Variants in PLD1 observed in about 807,000 individuals in gnomAD.
PLD1 encodes the protein choline phosphatase 1.
Under a neutral mutation model 137.1 loss-of-function variants are expected in PLD1, and 112 were observed. That is an observed-to-expected ratio of 0.82 (90% CI 0.70 to 0.96). The LOEUF (loss-of-function observed/expected upper bound fraction) is 0.96. Ranked by LOEUF, PLD1 falls within the 40% of genes least tolerant of loss-of-function variation. The pLI, the probability that PLD1 is intolerant of heterozygous loss-of-function variation, is 0.00. For synonymous variants in PLD1, 431 were observed against 454.7 expected (o/e 0.95, Z 0.66); for missense variants, 1,321 against 1,342.0 (o/e 0.98, Z 0.24).
intron 23 of PLD1, among the ~76,000 whole-genome samples, chr3:171,637,381 G>T (rs1735220808): frequency 6.6e-6 from 1 of 151,092 alleles, no homozygotes; most frequent in African/African-American, 2.4e-5. Flanking sequence ...GACTACAGGT[G>T]CATGCCACCA....
intron 24 of PLD1, among the ~76,000 whole-genome samples, chr3:171,617,844 A>G (rs1387969518): frequency 6.6e-6 from 1 of 152,198 alleles, no homozygotes; most frequent in Non-Finnish European, 1.5e-5. Flanking sequence ...TAAGTTTGCC[A>G]TGGAAGAAAA....
In PLD1 at chr3:171,642,857, C is replaced by G. The variant is rs186118100; in HGVS notation, c.2576G>C (p.Gly859Ala). ...TMCRGENSIL[G>A]QLKAELGNQW... is the part of the protein sequence containing the mutation. ...TTACTTACGCTCTGCTTTTAACTGT[C>G]CAAGGATGGAATTTTCTCCTCTGCA... The change falls in exon 23 of 27, where the codon GGA becomes GCA. Residue 859 changes from glycine to alanine, a missense_variant. Physicochemically the swap from Gly to Ala is moderately conservative, Grantham distance 60. Transcript: ENST00000351298. 1.9e-6 allele frequency: 3 copies of G among 1,588,340 alleles called. No individual in the cohort carries two copies. In the East Asian group the frequency reaches 6.8e-5, roughly 36 times the overall value.
chr3:171,716,118 A>C (rs748907536), intron 8 of PLD1, among the ~76,000 whole-genome samples: 10 of 151,978 alleles, frequency 6.6e-5, no homozygotes, highest in Admixed American at 2.6e-4. Flanking sequence ...TGTGGTGTAC[A>C]TGTACTATCC....
intron 24 of PLD1, among the ~76,000 whole-genome samples, chr3:171,619,082 A>C (rs1430556093): frequency 6.6e-6 from 1 of 152,200 alleles, no homozygotes; most frequent in Non-Finnish European, 1.5e-5. Context: ...AATAATAGGA[A>C]AGTATCTTAT....
At chr3:171,604,628 T>C (rs540011527) in intron 26 of PLD1, among the ~76,000 whole-genome samples, 20 of 152,166 alleles carry the variant, frequency 1.3e-4, no homozygotes, top group Non-Finnish European at 2.5e-4. Context: ...CTTAACTCTT[T>C]TACATTCTTT....
intron 22 of PLD1, 86 bp downstream of exon 22, chr3:171,644,824 G>C (rs1482047800): frequency 8.6e-6 from 7 of 813,798 alleles, no homozygotes; most frequent in Non-Finnish European, 1.5e-5. Flanking sequence ...CCACCGAATG[G>C]ATGTGGAGAA....
At chr3:171,747,492 A>G (rs1720323759) in intron 1 of PLD1, among the ~76,000 whole-genome samples, 1 of 144,984 alleles carries the variant, frequency 6.9e-6, no homozygotes, top group Non-Finnish European at 1.5e-5. Context: ...TTTCTCCTCT[A>G]GAATTATAAC....
At chr3:171,784,107 T>C (rs1464673718) in intron 1 of PLD1, among the ~76,000 whole-genome samples, 1 of 152,206 alleles carries the variant, frequency 6.6e-6, no homozygotes, top group African/African-American at 2.4e-5. Flanking sequence ...TTTTCTTTCA[T>C]AGAATGGGAA....
chr3:171,640,670 A>G (rs1179127875), intron 23 of PLD1, among the ~76,000 whole-genome samples: 2 of 152,196 alleles, frequency 1.3e-5, no homozygotes, highest in African/African-American at 4.8e-5. Flanking sequence ...TTCTGCTTCC[A>G]CAGAGCCTCA....
intron 1 of PLD1, among the ~76,000 whole-genome samples, chr3:171,745,302 A>G (rs931298282): frequency 5.9e-5 from 9 of 152,174 alleles, no homozygotes; most frequent in African/African-American, 2.2e-4. Flanking sequence ...ATTACTTCCA[A>G]TCCTCACAAC....
intron 1 of PLD1, among the ~76,000 whole-genome samples, chr3:171,771,609 A>C (rs1266672454): frequency 6.6e-6 from 1 of 152,232 alleles, no homozygotes; most frequent in African/African-American, 2.4e-5. Flanking sequence ...CACTGCAATA[A>C]AGTGAATGAT....
chr3:171,630,998 A>C (rs1381823022), intron 23 of PLD1, among the ~76,000 whole-genome samples: 5 of 152,096 alleles, frequency 3.3e-5, no homozygotes, highest in Admixed American at 3.3e-4. Context: ...CATGTACCCT[A>C]AAACTTAAAG....
intron 1 of PLD1, among the ~76,000 whole-genome samples, chr3:171,795,091 A>G (rs745583419): frequency 8.5e-5 from 13 of 152,224 alleles, no homozygotes; most frequent in Non-Finnish European, 1.9e-4. Flanking sequence ...AGCTCCCTTC[A>G]TTGGCCTCCT....
rs1395526930 is a variant in PLD1, at chr3:171,737,559, T to C, written c.261A>G (p.Glu87=). The change falls in exon 3 of 27, where the codon GAA becomes GAG. Residue 87 remains glutamate (E), a synonymous_variant. Coordinates refer to ENST00000351298, the MANE Select transcript of PLD1 (RefSeq NM_002662.5). ...TTGTTGTAGATGTGAAGCGTTCCAC[T>C]TCCAGAACTTGTGCTTTTATTGGAC... ...SGCPIKAQVL[E]VERFTSTTRV... The C allele has an allele frequency of 1.2e-6, 2 of 1,612,198 alleles. No homozygotes were observed. The highest frequency in any genetic ancestry group is 3.4e-5 in the Admixed American group (2 of 59,546).
intron 6 of PLD1, among the ~76,000 whole-genome samples, chr3:171,729,199 A>G (rs1718752222): frequency 6.6e-6 from 1 of 152,214 alleles, no homozygotes; most frequent in Non-Finnish European, 1.5e-5. Context: ...GTAATGTATA[A>G]TCAATACCTT....
At chr3:171,658,205 C>T (rs1177993184) in intron 21 of PLD1, among the ~76,000 whole-genome samples, 7 of 152,208 alleles carry the variant, frequency 4.6e-5, no homozygotes, top group Non-Finnish European at 1.0e-4. Context: ...AACTGGACCT[C>T]TCATATACTA....
At chr3:171,735,722 C>G in intron 3 of PLD1, 85 bp from the exon 4 acceptor site, 1 of 743,522 alleles carries the variant, frequency 1.3e-6, no homozygotes, top group Non-Finnish European at 2.3e-6. Context: ...TAACTAGTAA[C>G]AGAGAAGTAT....
chr3:171,777,746 C>T (rs1205034427), intron 1 of PLD1, among the ~76,000 whole-genome samples: 2 of 152,188 alleles, frequency 1.3e-5, no homozygotes, highest in East Asian at 3.8e-4. Context: ...TTTCAAGGGG[C>T]GGCCCAAACC....
intron 23 of PLD1, among the ~76,000 whole-genome samples, chr3:171,641,487 G>A (rs1330588983): frequency 6.6e-6 from 1 of 152,084 alleles, no homozygotes; most frequent in Non-Finnish European, 1.5e-5. Context: ...ACATCATCCA[G>A]TGCACCCCAT....
Sources: gnomAD v4.1 joint callset for allele counts (sites outside exome capture counted in the v4.1 genomes callset) on GRCh38, gnomAD v4.1.1 for gene constraint, MANE v1.5 for transcripts, NCBI Gene and HGNC (gene_info 2026-07-23, HGNC 2026-07-21) for gene names.